The following SGCZ variants were observed in gnomAD, a reference collection of about 807,000 sequenced individuals.
The protein encoded by SGCZ is zeta-sarcoglycan.
In SGCZ, 40 loss-of-function variants were observed where a neutral mutation model predicts 41.3. That is an observed-to-expected ratio of 0.97 (90% CI 0.75 to 1.26). The LOEUF is 1.26. Ranked by LOEUF, SGCZ falls within the 50% of genes most tolerant of loss-of-function variation. SGCZ has a pLI of 0.00. For synonymous variants in SGCZ, 206 were observed against 137.5 expected (o/e 1.50, Z -3.49); for missense variants, 552 against 369.8 (o/e 1.49, Z -4.04).
chr8:14,980,070 A>C (rs952122145), intron 1 of SGCZ, among the ~76,000 whole-genome samples: 8 of 152,200 alleles, frequency 5.3e-5, no homozygotes, highest in African/African-American at 1.9e-4. Context: ...TGAAAAGTAA[A>C]GTGATGGAGA....
chr8:14,385,245 G>C (rs113620759), intron 2 of SGCZ, among the ~76,000 whole-genome samples: 9 of 152,140 alleles, frequency 5.9e-5, no homozygotes, highest in Non-Finnish European at 1.0e-4. Context: ...GTGTGAACCA[G>C]CTCCAGTACA....
At chr8:15,032,643 C>T (rs79600420) in intron 1 of SGCZ, among the ~76,000 whole-genome samples, 6,592 of 152,242 alleles carry the variant, frequency 0.043, 226 homozygotes, top group South Asian at 0.14. Context: ...CTATGCTGCC[C>T]ACAGGGGCCT....
chr8:14,502,846 T>C (rs965119622), intron 2 of SGCZ, among the ~76,000 whole-genome samples: 4 of 152,144 alleles, frequency 2.6e-5, no homozygotes, highest in Non-Finnish European at 4.4e-5. Flanking sequence ...TTTATACTGT[T>C]GGTGGGAGTG....
intron 1 of SGCZ, among the ~76,000 whole-genome samples, chr8:15,083,536 T>C (rs998632082): frequency 2.0e-5 from 3 of 152,166 alleles, no homozygotes; most frequent in African/African-American, 4.8e-5. Flanking sequence ...TTTCTATATA[T>C]GAGAAATTAA....
At chr8:14,241,416 T>C (rs1490562302) in intron 3 of SGCZ, among the ~76,000 whole-genome samples, 2 of 148,900 alleles carry the variant, frequency 1.3e-5, no homozygotes, top group Non-Finnish European at 3.0e-5. Context: ...ATAATATTTA[T>C]ATATAGCATG....
intron 2 of SGCZ, among the ~76,000 whole-genome samples, chr8:14,490,628 T>C (rs969772818): frequency 2.0e-5 from 3 of 152,188 alleles, no homozygotes; most frequent in Non-Finnish European, 4.4e-5. Flanking sequence ...GATTTGATCA[T>C]CCAACCAATC....
At chr8:15,058,427 G>A (rs1309577936) in intron 1 of SGCZ, among the ~76,000 whole-genome samples, 1 of 152,084 alleles carries the variant, frequency 6.6e-6, no homozygotes, top group Non-Finnish European at 1.5e-5. Context: ...TCAAACCAAG[G>A]TGAATATACT....
chr8:14,373,625 G>T (rs1212630679), intron 2 of SGCZ, among the ~76,000 whole-genome samples: 1 of 152,158 alleles, frequency 6.6e-6, no homozygotes, highest in Non-Finnish European at 1.5e-5. Context: ...TTGAAGGAAA[G>T]AATGAAGAAC....
At chr8:14,106,145 A>G (rs1802195388) in intron 6 of SGCZ, among the ~76,000 whole-genome samples, 1 of 152,208 alleles carries the variant, frequency 6.6e-6, no homozygotes, top group South Asian at 2.1e-4. Flanking sequence ...CACATTAACA[A>G]ATACTTATTG....
intron 3 of SGCZ, among the ~76,000 whole-genome samples, chr8:14,295,448 T>C (rs566541654): frequency 6.6e-6 from 1 of 152,280 alleles, no homozygotes; most frequent in Non-Finnish European, 1.5e-5. Flanking sequence ...TAATTTACAA[T>C]CAAGAATCTG....
chr8:14,404,909 C>A (rs1162725965), intron 2 of SGCZ, among the ~76,000 whole-genome samples: 1 of 152,148 alleles, frequency 6.6e-6, no homozygotes, highest in South Asian at 2.1e-4. Context: ...TATTTGCTGT[C>A]TCTTCTTTCG....
intron 1 of SGCZ, among the ~76,000 whole-genome samples, chr8:14,566,708 C>A (rs1328270405): frequency 6.6e-6 from 1 of 152,246 alleles, no homozygotes; most frequent in Non-Finnish European, 1.5e-5. Flanking sequence ...TCGGCCTTGG[C>A]GCCCACTCTG....
chr8:14,468,821 C>A (rs1403684657), intron 2 of SGCZ, among the ~76,000 whole-genome samples: 15 of 151,976 alleles, frequency 9.9e-5, no homozygotes, highest in Non-Finnish European at 2.2e-4. Context: ...GCTTATTGTG[C>A]CCAAGTAACC....
chr8:14,727,329 C>A (rs1445811458), intron 1 of SGCZ, among the ~76,000 whole-genome samples: 1 of 152,006 alleles, frequency 6.6e-6, no homozygotes, highest in Non-Finnish European at 1.5e-5. Flanking sequence ...TTTCACCGTA[C>A]CAACTACTAA....
At chr8:14,698,658 C>A (rs1283678618) in intron 1 of SGCZ, among the ~76,000 whole-genome samples, 1 of 151,834 alleles carries the variant, frequency 6.6e-6, no homozygotes, top group Non-Finnish European at 1.5e-5. Context: ...CATATTATAT[C>A]CTAATCTCTA....
intron 1 of SGCZ, among the ~76,000 whole-genome samples, chr8:15,152,711 A>G (rs892453304): frequency 1.3e-5 from 2 of 152,228 alleles, no homozygotes; most frequent in Non-Finnish European, 2.9e-5. Context: ...AATTTCATTG[A>G]AGTTGCTCCA....
At chr8:14,230,674 A>G (rs1410017685) in intron 4 of SGCZ, among the ~76,000 whole-genome samples, 1 of 151,370 alleles carries the variant, frequency 6.6e-6, no homozygotes, top group Non-Finnish European at 1.5e-5. Context: ...CCACAATATT[A>G]TTAGTGAAAA....
intron 7 of SGCZ, among the ~76,000 whole-genome samples, chr8:14,095,413 T>G (rs1171521383): frequency 6.6e-6 from 1 of 152,198 alleles, no homozygotes; most frequent in Non-Finnish European, 1.5e-5. Context: ...TTGTCAGGTT[T>G]GTCAAAGTTC....
intron 1 of SGCZ, among the ~76,000 whole-genome samples, chr8:15,225,445 A>G (rs913976150): frequency 6.6e-6 from 1 of 152,238 alleles, no homozygotes; most frequent in Non-Finnish European, 1.5e-5. Flanking sequence ...GGCATGACTA[A>G]GTAGAACTTA....
Sources: gnomAD v4.1 joint callset for allele counts (sites outside exome capture counted in the v4.1 genomes callset) on GRCh38, gnomAD v4.1.1 for gene constraint, MANE v1.5 for transcripts, NCBI Gene and HGNC (gene_info 2026-07-23, HGNC 2026-07-21) for gene names.